The following PCSK6 variants were observed in gnomAD, a reference collection of about 807,000 sequenced individuals.
PCSK6 encodes the protein proprotein convertase subtilisin/kexin type 6.
PCSK6 carries 85 observed loss-of-function variants against 123.3 expected under a neutral mutation model. The ratio of observed to expected loss-of-function variants is 0.69; its 90% CI spans 0.58 to 0.83. PCSK6 has a LOEUF of 0.83. Ranked by LOEUF, PCSK6 falls within the 40% of genes least tolerant of loss-of-function variation. PCSK6 has a pLI of 0.00. For synonymous variants in PCSK6, 508 were observed against 516.0 expected (o/e 0.98, Z 0.21); for missense variants, 1,191 against 1,282.3 (o/e 0.93, Z 1.09).
chr15:101,384,366 T>C lies in PCSK6; in HGVS notation c.1370A>G (p.His457Arg). 2 of 1,613,894 alleles carry C rather than the reference T, an allele frequency of 1.2e-6. No individual in the cohort carries two copies. Among genetic ancestry groups the C allele is most frequent in the Non-Finnish European group, 1.7e-6 (2 of 1,179,852 alleles). The change falls in exon 10 of 22, where the codon CAC (histidine) becomes CGC (arginine). Residue 457 changes from histidine (H) to arginine (R), a missense_variant. This residue lies in a region of PCSK6 where 357 missense variants were observed against 484.5 expected (regional missense o/e 0.74). Coordinates refer to ENST00000611716, the MANE Select transcript of PCSK6 (RefSeq NM_002570.5). ...CACTTTCCAGTCGCTCGCTTTCAGG[T>C]GGGCCGGCCGGGATGTCTTCACTAG... ...HLLVKTSRPA[H>R]LKASDWKVNG...
chr15:101,435,639 A>G (rs1567219757), intron 2 of PCSK6, among the ~76,000 whole-genome samples: 1 of 152,256 alleles, frequency 6.6e-6, no homozygotes, highest in Non-Finnish European at 1.5e-5. Context: ...AGGGAGTTCT[A>G]ATCATGAAGA....
At chr15:101,348,884 C>T (rs10152935) in intron 13 of PCSK6, among the ~76,000 whole-genome samples, 36,367 of 152,112 alleles carry the variant, frequency 0.24, 5,137 homozygotes, top group African/African-American at 0.39. Context: ...CCAGTGTCTG[C>T]GGCAGCCTGG....
chr15:101,324,968 A>G lies in PCSK6; in HGVS notation c.2259T>C (p.Cys753=). The G allele has an allele frequency of 6.2e-7, 1 of 1,613,216 alleles. No individual in the cohort carries two copies. Among genetic ancestry groups the G allele is most frequent in the Non-Finnish European group, 8.5e-7 (1 of 1,179,844 alleles). ...ARRCRRCHKG[C]ETCSSRAATQ... is the part of the protein sequence containing the mutation. ...TCGCAGCTCTGCTGGAGCAGGTCTC[A>G]CACCCCTTGTGGCACCGGCGACAGC... is the stretch of plus-strand genomic sequence containing the variant. Residue 753 remains cysteine (C), a synonymous_variant, in exon 17 of 22, where the codon TGT becomes TGC. Coordinates refer to ENST00000611716, the MANE Select transcript of PCSK6 (RefSeq NM_002570.5).
At chr15:101,465,474 G>C (rs558582651) in intron 1 of PCSK6, among the ~76,000 whole-genome samples, 1 of 152,170 alleles carries the variant, frequency 6.6e-6, no homozygotes, top group Admixed American at 6.5e-5. Flanking sequence ...CAGAGTGTGC[G>C]GACACACCCA....
chr15:101,323,784 T>A (rs4965830), intron 17 of PCSK6, among the ~76,000 whole-genome samples: 107,008 of 150,844 alleles, frequency 0.71, 38,174 homozygotes, highest in Admixed American at 0.78. Context: ...ATACGTCTTT[T>A]AAGATTTGCT....
intron 18 of PCSK6, among the ~76,000 whole-genome samples, chr15:101,319,470 T>C (rs987383130): frequency 1.1e-4 from 17 of 152,226 alleles, no homozygotes; most frequent in African/African-American, 3.9e-4. Flanking sequence ...CTTGGAATTA[T>C]CAAAGTGCTA....
Position 101,305,039 on chromosome 15 carries a change from A to G in PCSK6, c.*219T>C. On this transcript the variant is annotated 3_prime_UTR_variant, in exon 22 of 22. Coordinates refer to ENST00000611716, the MANE Select transcript of PCSK6 (RefSeq NM_002570.5). This position sits in a 1 kb window ranked among gnomAD's most constrained non-coding sequence, Gnocchi z 4.8. ...TCCTGTTAGTTTGTCGGAAGACTGG[A>G]GCCAACAAGCAGCATTTGAGAGGAT... is the stretch of plus-strand genomic sequence containing the variant. 1.9e-6 allele frequency: 1 copy of G among 534,030 alleles called. No individual in the cohort carries two copies. The highest frequency in any genetic ancestry group is 3.3e-6 in the Non-Finnish European group (1 of 299,438). The allele number at this position is 534,030 out of a possible 1,614,324, so 33.1% of individuals were successfully genotyped here.
chr15:101,447,215 C>T (rs1203634181), intron 1 of PCSK6, among the ~76,000 whole-genome samples: 2 of 152,126 alleles, frequency 1.3e-5, no homozygotes, highest in African/African-American at 4.8e-5. Flanking sequence ...GGAGGCTGTT[C>T]CTTCACATCT....
Position 101,317,581 on chromosome 15 carries a change from C to G in PCSK6, c.2569+738G>C, listed in dbSNP as rs185980712. 2.7e-3 allele frequency among the ~76,000 whole-genome samples: 414 copies of G among 152,224 alleles called. 1 individual carries two copies. Among genetic ancestry groups the G allele is most frequent in the African/African-American group, 9.6e-3 (399 of 41,538 alleles). On this transcript the variant is annotated intron_variant, in intron 19 of 21. Transcript: ENST00000611716. ...AACTAAGGCTATGTTTGAAAACATC[C>G]CCATCCCCACCTGGATCCATTCCCG...
chr15:101,419,183 A>G (rs1385424411), intron 6 of PCSK6, among the ~76,000 whole-genome samples: 2 of 152,174 alleles, frequency 1.3e-5, no homozygotes, highest in South Asian at 2.1e-4. Context: ...ATTATTTAAC[A>G]TCTCTCCAGA....
At chr15:101,371,485 A>C (rs1018793427) in intron 11 of PCSK6, among the ~76,000 whole-genome samples, 1 of 152,242 alleles carries the variant, frequency 6.6e-6, no homozygotes, top group African/African-American at 2.4e-5. Context: ...AAATCCCACT[A>C]CTTTGTTCCG....
intron 9 of PCSK6, among the ~76,000 whole-genome samples, chr15:101,388,041 G>C (rs998559412): frequency 6.6e-6 from 1 of 152,226 alleles, no homozygotes; most frequent in African/African-American, 2.4e-5. Context: ...CCAAGTTTAA[G>C]GGGACAATGC....
intron 6 of PCSK6, among the ~76,000 whole-genome samples, chr15:101,399,278 C>A (rs1184534297): frequency 6.6e-6 from 1 of 152,208 alleles, no homozygotes; most frequent in Non-Finnish European, 1.5e-5. Flanking sequence ...CTGTTTCTCT[C>A]TCCTTTATAA....
intron 13 of PCSK6, among the ~76,000 whole-genome samples, chr15:101,343,290 C>A (rs1338799958): frequency 1.3e-5 from 2 of 152,032 alleles, no homozygotes; most frequent in Admixed American, 1.3e-4. Context: ...TTATTAGTTT[C>A]TTTCAAGAAC....
At chr15:101,482,508 G>T (rs943363929) in intron 1 of PCSK6, among the ~76,000 whole-genome samples, 8 of 152,312 alleles carry the variant, frequency 5.3e-5, no homozygotes, top group African/African-American at 1.9e-4. Flanking sequence ...CTACTTTCTA[G>T]ATGCCACAAT....
At chr15:101,355,876 C>G (rs1056398050) in intron 13 of PCSK6, among the ~76,000 whole-genome samples, 6 of 152,170 alleles carry the variant, frequency 3.9e-5, no homozygotes, top group African/African-American at 1.4e-4. Flanking sequence ...CCAACGTAGG[C>G]TCCGAGGCAA....
intron 13 of PCSK6, among the ~76,000 whole-genome samples, chr15:101,362,071 C>A (rs2041242531): frequency 6.6e-6 from 1 of 151,038 alleles, no homozygotes; most frequent in Non-Finnish European, 1.5e-5. Flanking sequence ...ATTCTCTTCC[C>A]TCAGCCTCCC....
At chr15:101,392,304 G>A (rs1440026792) in intron 8 of PCSK6, among the ~76,000 whole-genome samples, 6 of 152,254 alleles carry the variant, frequency 3.9e-5, no homozygotes, top group African/African-American at 1.2e-4. Flanking sequence ...ACCAGGCCGA[G>A]CTGCTACCAG....
chr15:101,311,118 T>A (rs1194541840), intron 20 of PCSK6, among the ~76,000 whole-genome samples: 1 of 151,936 alleles, frequency 6.6e-6, no homozygotes, highest in Non-Finnish European at 1.5e-5. Context: ...TCCTGACTTT[T>A]TTTTTTCTTT....
Sources: gnomAD v4.1 joint callset for allele counts (sites outside exome capture counted in the v4.1 genomes callset) on GRCh38, gnomAD v4.1.1 for gene constraint, gnomAD v4.1.1 regional missense constraint, Gnocchi (gnomAD v3.1) non-coding constraint, MANE v1.5 for transcripts, NCBI Gene and HGNC (gene_info 2026-07-23, HGNC 2026-07-21) for gene names.